DPYD: variants seen among roughly 807,000 people sequenced by gnomAD.
The protein encoded by DPYD is dihydropyrimidine dehydrogenase.
A neutral mutation model predicts 116.2 loss-of-function variants in DPYD; 109 were observed. The ratio of observed to expected loss-of-function variants is 0.94; its 90% CI spans 0.80 to 1.10. The LOEUF is 1.10. Among genes scored for constraint, DPYD ranks in the 50% least tolerant of loss-of-function variants. DPYD has a pLI of 0.00. For missense variants in DPYD, 1,302 were observed against 1,254.5 expected, an observed-to-expected ratio of 1.04 and a Z score of -0.57; for synonymous variants, 440 against 432.0, an observed-to-expected ratio of 1.02 and a Z score of -0.23.
chr1:97,445,118 C>T (rs1196712779), intron 14 of DPYD, among the ~76,000 whole-genome samples: 1 of 152,142 alleles, frequency 6.6e-6, no homozygotes, highest in South Asian at 2.1e-4. Flanking sequence ...AATATAAAAA[C>T]AATTATAGCT....
chr1:97,861,369 A>T (rs1453305871), intron 2 of DPYD, among the ~76,000 whole-genome samples: 2 of 151,922 alleles, frequency 1.3e-5, no homozygotes, highest in Non-Finnish European at 2.9e-5. Flanking sequence ...ATTTTGAGAT[A>T]TAACTTCAAT....
At chr1:97,599,426 A>G (rs542447058) in intron 8 of DPYD, among the ~76,000 whole-genome samples, 1 of 131,760 alleles carries the variant, frequency 7.6e-6, no homozygotes, top group African/African-American at 2.9e-5. Flanking sequence ...GTAATAAGAG[A>G]AAAAAAAAAG....
chr1:97,869,115 T>G (rs1362029496), intron 2 of DPYD, among the ~76,000 whole-genome samples: 1 of 151,812 alleles, frequency 6.6e-6, no homozygotes, highest in African/African-American at 2.4e-5. Flanking sequence ...ATTTTATTCC[T>G]GCTCAAACAG....
rs146170505 is a variant in DPYD, at chr1:97,699,370, C to A, written c.661G>T (p.Glu221Ter). 3.1e-5 allele frequency: 50 copies of A among 1,613,456 alleles called. No individual in the cohort carries two copies. The highest frequency in any genetic ancestry group is 4.2e-5 in the Non-Finnish European group (50 of 1,179,608). ...YSDITIFEKQ[E>*]YVGGLSTSEI... ...CATTACCTTAAACCACCAACATATTCTTGTTTTTCAAATATAGTGATGTCA... is the reference window on the plus strand; with the variant it reads ...CATTACCTTAAACCACCAACATATTATTGTTTTTCAAATATAGTGATGTCA... The change falls in exon 6 of 23, where the codon GAA (glutamate) becomes TAA (stop). Residue 221 changes from glutamate (E) to a stop codon, truncating the protein, a stop_gained. Coordinates refer to ENST00000370192, the MANE Select transcript of DPYD (RefSeq NM_000110.4). LOFTEE classifies it high-confidence loss of function.
At chr1:97,596,271 A>T (rs904037958) in intron 8 of DPYD, among the ~76,000 whole-genome samples, 1 of 152,186 alleles carries the variant, frequency 6.6e-6, no homozygotes, top group East Asian at 1.9e-4. Context: ...AAAAAAATGT[A>T]TTAATATAAA....
At chr1:97,838,045 G>T (rs1441801796) in intron 2 of DPYD, among the ~76,000 whole-genome samples, 2 of 152,096 alleles carry the variant, frequency 1.3e-5, no homozygotes, top group East Asian at 1.9e-4. Flanking sequence ...AGAATTTTTT[G>T]ACTTTCATCC....
At chr1:97,425,130 A>G (rs371897019) in intron 14 of DPYD, among the ~76,000 whole-genome samples, 1 of 152,220 alleles carries the variant, frequency 6.6e-6, no homozygotes, top group Middle Eastern at 3.4e-3. Context: ...TGAAATCTCC[A>G]GATGATAAAT....
intron 3 of DPYD, among the ~76,000 whole-genome samples, chr1:97,742,232 T>TAA (rs961665807): frequency 6.6e-6 from 1 of 152,150 alleles, no homozygotes; most frequent in African/African-American, 2.4e-5. Context: ...CTTCCATGTG[T>TAA]AAAGACCTTG....
intron 8 of DPYD, among the ~76,000 whole-genome samples, chr1:97,670,989 C>T (rs140582039): frequency 0.011 from 1,634 of 151,506 alleles, 14 homozygotes; most frequent in Non-Finnish European, 0.02. Flanking sequence ...TGTCTCCATC[C>T]AAAGAAATAC....
At chr1:97,877,899 G>C (rs1445845827) in intron 2 of DPYD, among the ~76,000 whole-genome samples, 2 of 151,914 alleles carry the variant, frequency 1.3e-5, no homozygotes, top group Non-Finnish European at 2.9e-5. Flanking sequence ...TAATTAAGTG[G>C]ATTTCATCTC....
chr1:97,232,187 C>G (rs541225433), intron 19 of DPYD, among the ~76,000 whole-genome samples: 20 of 152,282 alleles, frequency 1.3e-4, no homozygotes, highest in Middle Eastern at 3.4e-3. Context: ...GGATTTTGAG[C>G]TGACAGTTCT....
intron 16 of DPYD, among the ~76,000 whole-genome samples, chr1:97,357,898 G>T (rs1379493525): frequency 6.6e-6 from 1 of 152,166 alleles, no homozygotes; most frequent in African/African-American, 2.4e-5. Flanking sequence ...GCAGAAGATG[G>T]GTGATTTCTG....
chr1:97,551,187 C>T (rs938613654), intron 11 of DPYD, among the ~76,000 whole-genome samples: 9 of 151,962 alleles, frequency 5.9e-5, no homozygotes, highest in South Asian at 2.1e-4. Context: ...TTTGTTTTTT[C>T]GTCTTTCATT....
chr1:97,204,051 G>C (rs951612359), intron 19 of DPYD, among the ~76,000 whole-genome samples: 1 of 152,048 alleles, frequency 6.6e-6, no homozygotes, highest in Non-Finnish European at 1.5e-5. Context: ...AGTTGATTAA[G>C]AGTGAATAAA....
chr1:97,436,504 G>C (rs1266238497), intron 14 of DPYD, among the ~76,000 whole-genome samples: 2 of 151,926 alleles, frequency 1.3e-5, no homozygotes, highest in Non-Finnish European at 2.9e-5. Flanking sequence ...TGTGTTAGAT[G>C]CTATACTTCC....
At chr1:97,129,850 C>G (rs779709857) in intron 20 of DPYD, among the ~76,000 whole-genome samples, 1 of 152,166 alleles carries the variant, frequency 6.6e-6, no homozygotes, top group Non-Finnish European at 1.5e-5. Context: ...ATCTTCATGT[C>G]ATCTTCAACA....
At chr1:97,375,873 T>C (rs948114520) in intron 15 of DPYD, among the ~76,000 whole-genome samples, 1 of 152,216 alleles carries the variant, frequency 6.6e-6, no homozygotes, top group Non-Finnish European at 1.5e-5. Context: ...AATGCAGCAA[T>C]TAACAGCAAA....
chr1:97,317,965 ATAT>A (rs1254191424), intron 16 of DPYD, among the ~76,000 whole-genome samples: 3 of 151,938 alleles, frequency 2.0e-5, no homozygotes, highest in Non-Finnish European at 2.9e-5. Flanking sequence ...CCAGAATTTC[ATAT>A]CCAGCCAAAC....
chr1:97,656,994 G>T, intron 8 of DPYD, among the ~76,000 whole-genome samples: 1 of 133,968 alleles, frequency 7.5e-6, no homozygotes, highest in Non-Finnish European at 1.6e-5. Context: ...TTTGGATGCA[G>T]TTTCACTTTG....
Sources: gnomAD v4.1 joint callset for allele counts (sites outside exome capture counted in the v4.1 genomes callset) on GRCh38, gnomAD v4.1.1 for gene constraint, MANE v1.5 for transcripts, NCBI Gene and HGNC (gene_info 2026-07-23, HGNC 2026-07-21) for gene names.